The following DAB1 variants were observed in gnomAD, a reference collection of about 807,000 sequenced individuals.
DAB1 encodes the protein DAB adaptor protein 1, also known as disabled homolog 1.
A neutral mutation model predicts 64.6 loss-of-function variants in DAB1; 15 were observed. That is an observed-to-expected ratio of 0.23 (90% CI 0.16 to 0.36). DAB1 has a LOEUF of 0.36. Ranked by LOEUF, DAB1 falls within the 10% of genes least tolerant of loss-of-function variation. The pLI, the probability that DAB1 is intolerant of heterozygous loss-of-function variation, is 1.00. For missense variants in DAB1, 596 were observed against 706.7 expected (o/e 0.84, Z 1.78); for synonymous variants, 235 against 251.9 (o/e 0.93, Z 0.64).
chr1:58,048,786 A>G (rs1647420481), intron 5 of DAB1: 1 of 1,159,080 alleles, frequency 8.6e-7, no homozygotes, highest in Non-Finnish European at 1.3e-6. Context: ...GGCCATTCAC[A>G]GTATAGTATT....
chr1:57,317,578 G>C (rs1199205196), intron 1 of DAB1, among the ~76,000 whole-genome samples: 1 of 152,040 alleles, frequency 6.6e-6, no homozygotes, highest in Admixed American at 6.6e-5. Flanking sequence ...ACCTTATGCT[G>C]TACCATCTTT....
chr1:57,490,591 G>A (rs1309779837), intron 7 of DAB1, among the ~76,000 whole-genome samples: 2 of 152,066 alleles, frequency 1.3e-5, no homozygotes, highest in Non-Finnish European at 2.9e-5. Context: ...CTCATGCTAC[G>A]TAGTAGAACA....
intron 1 of DAB1, among the ~76,000 whole-genome samples, chr1:57,377,592 T>C (rs989287840): frequency 7.9e-5 from 12 of 152,140 alleles, no homozygotes; most frequent in African/African-American, 2.7e-4. Flanking sequence ...AACTACAAAT[T>C]AGGCAATGCA....
intron 3 of DAB1, among the ~76,000 whole-genome samples, chr1:58,481,389 A>G (rs531513701): frequency 1.3e-5 from 2 of 152,290 alleles, no homozygotes; most frequent in South Asian, 4.1e-4. Context: ...TTATTTTAAA[A>G]ACAACAACAA....
intron 4 of DAB1, among the ~76,000 whole-genome samples, chr1:58,303,004 G>T (rs1287412006): frequency 1.3e-5 from 2 of 152,018 alleles, no homozygotes; most frequent in African/African-American, 4.8e-5. Flanking sequence ...ATCACAGGGG[G>T]CTGGTCTCTG....
chr1:57,292,790 T>G (rs1414948812), intron 1 of DAB1, among the ~76,000 whole-genome samples: 1 of 151,924 alleles, frequency 6.6e-6, no homozygotes, highest in Non-Finnish European at 1.5e-5. Flanking sequence ...TCCAAGAAGC[T>G]CAGTCTAACA....
intron 5 of DAB1, among the ~76,000 whole-genome samples, chr1:58,136,113 T>C (rs565951540): frequency 2.6e-5 from 4 of 152,248 alleles, no homozygotes; most frequent in East Asian, 1.9e-4. Context: ...CAGTAAAACA[T>C]AGCAGTGCCC....
rs936948245 is a variant in DAB1, at chr1:58,031,795, C to A, written n.387+118716G>T. ...TATCCAAGGGGCAGAAAAACAATAT[C>A]CTGCTCAGCCCAAACTGAGCTGAGG... On this transcript the variant is annotated intron_variant and non_coding_transcript_variant, in intron 5 of 20. Coordinates refer to the DAB1 transcript ENST00000485760. Among the ~76,000 whole-genome samples the A allele has an allele frequency of 1.5e-4, 23 of 152,064 alleles. 1 individual carries two copies. Among genetic ancestry groups the A allele is most frequent in the African/African-American group, 5.3e-4 (22 of 41,382 alleles).
chr1:58,465,666 C>G (rs112314980), intron 3 of DAB1, among the ~76,000 whole-genome samples: 2 of 152,116 alleles, frequency 1.3e-5, no homozygotes, highest in African/African-American at 4.8e-5. Flanking sequence ...CCCCATCAAA[C>G]CAATGCATTG....
At chr1:57,253,450 A>G (rs1432175696) in intron 2 of DAB1, among the ~76,000 whole-genome samples, 1 of 152,142 alleles carries the variant, frequency 6.6e-6, no homozygotes, top group Admixed American at 6.5e-5. Flanking sequence ...AGTATGATGA[A>G]CCAACCCTCC....
intron 5 of DAB1, among the ~76,000 whole-genome samples, chr1:57,985,503 A>C (rs1321530412): frequency 1.3e-5 from 2 of 152,204 alleles, no homozygotes; most frequent in African/African-American, 2.4e-5. Flanking sequence ...TTCTGTGCCT[A>C]GAACATAATA....
rs1419533347 is a variant in DAB1, at chr1:58,021,831, C to T, written n.387+128680G>A. Among the ~76,000 whole-genome samples, 5 of 152,264 alleles carry T rather than the reference C, an allele frequency of 3.3e-5. No individual in the cohort carries two copies. In the East Asian group the frequency reaches 9.7e-4, roughly 29 times the overall value. On this transcript the variant is annotated intron_variant and non_coding_transcript_variant, in intron 5 of 20. Coordinates refer to the DAB1 transcript ENST00000485760. ...GCAACCGGGAATGATCTGGATCAAT[C>T]CCAAGTGATAGGAAGCATCCAATTA...
At chr1:57,353,023 C>T (rs1440921680) in intron 1 of DAB1, among the ~76,000 whole-genome samples, 1 of 151,820 alleles carries the variant, frequency 6.6e-6, no homozygotes, top group Non-Finnish European at 1.5e-5. Flanking sequence ...AGGTTTTGGA[C>T]TTGCCAGACT....
At chr1:58,533,960 C>G (rs1646476886) in intron 1 of DAB1, 3 of 871,854 alleles carry the variant, frequency 3.4e-6, no homozygotes, top group Non-Finnish European at 6.0e-6. Context: ...TACAGCATGC[C>G]CAAGTACTGC....
At chr1:57,859,306 T>C (rs1234985993) in intron 1 of DAB1, among the ~76,000 whole-genome samples, 8 of 152,202 alleles carry the variant, frequency 5.3e-5, no homozygotes, top group African/African-American at 1.7e-4. Context: ...TTGGAACCTT[T>C]CCTCTTGTTT....
chr1:58,100,416 T>C (rs571589675), intron 5 of DAB1, among the ~76,000 whole-genome samples: 1 of 152,350 alleles, frequency 6.6e-6, no homozygotes, highest in African/African-American at 2.4e-5. Context: ...GAATAATATT[T>C]CACTGTATAT....
chr1:57,425,756 A>G (rs1386304648), upstream of DAB1, among the ~76,000 whole-genome samples: 6 of 152,184 alleles, frequency 3.9e-5, no homozygotes, highest in African/African-American at 7.2e-5. Context: ...CTCGGTTTCT[A>G]CCTACTTCCA....
At chr1:57,379,497 T>C (rs1393247966) in intron 1 of DAB1, among the ~76,000 whole-genome samples, 1 of 152,262 alleles carries the variant, frequency 6.6e-6, no homozygotes, top group Middle Eastern at 3.4e-3. Context: ...GCTATGAACA[T>C]TTGTTAGAAT....
intron 11 of DAB1, among the ~76,000 whole-genome samples, chr1:57,021,729 T>C (rs1646629830): frequency 6.6e-6 from 1 of 152,184 alleles, no homozygotes; most frequent in Non-Finnish European, 1.5e-5. Context: ...GTGTTTTTAA[T>C]CAAATGTTAG....
Sources: allele counts gnomAD v4.1 joint callset (sites outside exome capture counted in the v4.1 genomes callset), GRCh38; gene constraint gnomAD v4.1.1; transcripts MANE v1.5; gene names NCBI Gene and HGNC (gene_info 2026-07-23, HGNC 2026-07-21).